The following ST8SIA4 variants were observed in gnomAD, a reference collection of about 807,000 sequenced individuals.
ST8SIA4 encodes ST8 alpha-N-acetyl-neuraminide alpha-2,8-sialyltransferase 4, also known as CMP-N-acetylneuraminate-poly-alpha-2,8-sialyltransferase.
In ST8SIA4, 15 loss-of-function variants were observed where a neutral mutation model predicts 33.9. That is an observed-to-expected ratio of 0.44 (90% CI 0.30 to 0.68). ST8SIA4 has a LOEUF of 0.68. Ranked by LOEUF, ST8SIA4 falls within the 30% of genes least tolerant of loss-of-function variation. The pLI, the probability that ST8SIA4 is intolerant of heterozygous loss-of-function variation, is 0.10. For missense variants in ST8SIA4, 321 were observed against 428.0 expected (o/e 0.75, Z 2.21); for synonymous variants, 171 against 151.2 (o/e 1.13, Z -0.96).
intron 4 of ST8SIA4, among the ~76,000 whole-genome samples, chr5:100,818,737 ATACTT>A (rs1219716663): frequency 6.6e-6 from 1 of 152,194 alleles, no homozygotes; most frequent in East Asian, 1.9e-4. Flanking sequence ...CATACAGACA[ATACTT>A]TATCAAACTT....
chr5:100,868,188 C>T (rs1233111730), intron 3 of ST8SIA4, among the ~76,000 whole-genome samples: 2 of 151,968 alleles, frequency 1.3e-5, no homozygotes, highest in Non-Finnish European at 2.9e-5. Context: ...ATTTTTCAAA[C>T]AATTAACTAG....
At chr5:100,846,433 T>C (rs1751574795) in intron 4 of ST8SIA4, among the ~76,000 whole-genome samples, 1 of 151,968 alleles carries the variant, frequency 6.6e-6, no homozygotes, top group Non-Finnish European at 1.5e-5. Flanking sequence ...AAGTCAATCT[T>C]TGCTATGAAA....
rs1750810124 is a variant in ST8SIA4, at chr5:100,811,176, A to C, written c.*671T>G. ...TGGGCAACAGAGCGAGACAAAAAAA[A>C]AAAAAAAAGTCTTTGTGTGATAGCT... is the stretch of plus-strand genomic sequence containing the variant. On this transcript the variant is annotated 3_prime_UTR_variant, in exon 5 of 5. Coordinates refer to ENST00000231461, the MANE Select transcript of ST8SIA4 (RefSeq NM_005668.6). The C allele has an allele frequency of 6.6e-6, 1 of 152,232 alleles. No homozygotes were observed. The highest frequency in any genetic ancestry group is 2.1e-4 in the South Asian group (1 of 4,830). 9.4% of individuals were successfully genotyped at this position (152,232 alleles called of 1,614,324 possible).
intron 3 of ST8SIA4, among the ~76,000 whole-genome samples, chr5:100,867,428 C>A (rs868820964): frequency 6.6e-6 from 1 of 151,900 alleles, no homozygotes; most frequent in African/African-American, 2.4e-5. Context: ...GTACTTAAGT[C>A]CTTAAAAATT....
At chr5:100,812,525 T>C (rs1327687207) in intron 4 of ST8SIA4, among the ~76,000 whole-genome samples, 1 of 152,086 alleles carries the variant, frequency 6.6e-6, no homozygotes, top group Non-Finnish European at 1.5e-5. Context: ...AAAAAAAAGT[T>C]TGAAACTATG....
intron 4 of ST8SIA4, among the ~76,000 whole-genome samples, chr5:100,821,162 C>T (rs1751024345): frequency 6.6e-6 from 1 of 151,836 alleles, no homozygotes; most frequent in African/African-American, 2.4e-5. Flanking sequence ...AATCAAAAAC[C>T]ATGGAAACTA....
chr5:100,823,495 G>C (rs990678806), intron 4 of ST8SIA4, among the ~76,000 whole-genome samples: 1 of 152,106 alleles, frequency 6.6e-6, no homozygotes, highest in African/African-American at 2.4e-5. Flanking sequence ...CCACTCTTGG[G>C]GTCTAGATGG....
chr5:100,836,221 C>A (rs894262945), intron 4 of ST8SIA4, among the ~76,000 whole-genome samples: 4 of 152,034 alleles, frequency 2.6e-5, no homozygotes, highest in Admixed American at 6.6e-5. Context: ...CAAATGATTT[C>A]TCAGAGCCCT....
At chr5:100,817,004 G>T (rs990727407) in intron 4 of ST8SIA4, among the ~76,000 whole-genome samples, 2 of 149,586 alleles carry the variant, frequency 1.3e-5, no homozygotes, top group Admixed American at 1.3e-4. Context: ...GTGCAATGGC[G>T]CAATCTTGGC....
intron 4 of ST8SIA4, among the ~76,000 whole-genome samples, chr5:100,814,055 G>A (rs907798213): frequency 5.3e-5 from 8 of 151,962 alleles, no homozygotes; most frequent in South Asian, 2.1e-4. Context: ...AGGTTTCCTC[G>A]AGGTTCATGT....
At chr5:100,832,918 T>C (rs1443700074) in intron 4 of ST8SIA4, among the ~76,000 whole-genome samples, 1 of 152,146 alleles carries the variant, frequency 6.6e-6, no homozygotes, top group Admixed American at 6.6e-5. Context: ...AGGCCCTAAA[T>C]GCCTCCTTTT....
intron 1 of ST8SIA4, among the ~76,000 whole-genome samples, chr5:100,901,267 CAGGGTCCCAGCCA>C (rs1485328195): frequency 6.6e-6 from 1 of 152,210 alleles, no homozygotes; most frequent in East Asian, 1.9e-4. Context: ...TCCTGCTCTC[CAGGGTCCCAGCCA>C]AGGGCCCGAA....
At chr5:100,876,237 T>C (rs540459040) in intron 3 of ST8SIA4, among the ~76,000 whole-genome samples, 1 of 152,228 alleles carries the variant, frequency 6.6e-6, no homozygotes, top group African/African-American at 2.4e-5. Context: ...AATCATCATT[T>C]TCTGCAGTTT....
intron 2 of ST8SIA4, among the ~76,000 whole-genome samples, chr5:100,892,709 G>C (rs60853907): frequency 0.42 from 63,342 of 151,892 alleles, 13,859 homozygotes; most frequent in African/African-American, 0.54. Context: ...GATTTATAAT[G>C]ATAGTTGAAT....
At chr5:100,885,389 C>CT (rs548566287) in intron 3 of ST8SIA4, 423 of 959,448 alleles carry the variant, frequency 4.4e-4, no homozygotes, top group Admixed American at 6.8e-4. Context: ...TTTCTCATGA[C>CT]TTTTTTTTTA....
At chr5:100,828,274 G>C (rs1045462154) in intron 4 of ST8SIA4, among the ~76,000 whole-genome samples, 1 of 152,038 alleles carries the variant, frequency 6.6e-6, no homozygotes, top group African/African-American at 2.4e-5. Flanking sequence ...AAATTGATAC[G>C]TGCTGAAATA....
chr5:100,817,038 G>T (rs1750938066), intron 4 of ST8SIA4, among the ~76,000 whole-genome samples: 2 of 150,218 alleles, frequency 1.3e-5, no homozygotes, highest in African/African-American at 4.9e-5. Flanking sequence ...TGCCTCCCGG[G>T]TTGAAACTAT....
intron 3 of ST8SIA4, among the ~76,000 whole-genome samples, chr5:100,879,940 G>C (rs371603662): frequency 6.6e-6 from 1 of 152,118 alleles, no homozygotes; most frequent in East Asian, 1.9e-4. Context: ...AGTTTTGGAG[G>C]AGATGATGTG....
chr5:100,861,534 G>A (rs1362715002), intron 3 of ST8SIA4, among the ~76,000 whole-genome samples: 1 of 152,126 alleles, frequency 6.6e-6, no homozygotes, highest in Non-Finnish European at 1.5e-5. Context: ...CTAGAGAATA[G>A]CTTAGATTTG....
Sources: allele counts gnomAD v4.1 joint callset (sites outside exome capture counted in the v4.1 genomes callset), GRCh38; gene constraint gnomAD v4.1.1; transcripts MANE v1.5; gene names NCBI Gene and HGNC (gene_info 2026-07-23, HGNC 2026-07-21).